Variants in PITPNM2 observed in about 807,000 individuals in gnomAD.
PITPNM2 encodes the protein membrane-associated phosphatidylinositol transfer protein 2.
Under a neutral mutation model 132.2 loss-of-function variants are expected in PITPNM2, and 35 were observed. The ratio of observed to expected loss-of-function variants is 0.26; its 90% CI spans 0.20 to 0.35. The LOEUF is 0.35. Ranked by LOEUF, PITPNM2 falls within the 10% of genes least tolerant of loss-of-function variation. The pLI, the probability that PITPNM2 is intolerant of heterozygous loss-of-function variation, is 1.00. For synonymous variants in PITPNM2, 738 were observed against 799.2 expected (o/e 0.92, Z 1.29); for missense variants, 1,332 against 1,912.0 (o/e 0.70, Z 5.66).
At chr12:123,028,441 A>G (rs948130612) in intron 3 of PITPNM2, among the ~76,000 whole-genome samples, 1 of 152,188 alleles carries the variant, frequency 6.6e-6, no homozygotes, top group Non-Finnish European at 1.5e-5. Flanking sequence ...TCTTTCCACA[A>G]AAACACAGCA....
At chr12:123,135,632 G>A (rs1593033805) in intron 1 of PITPNM2, among the ~76,000 whole-genome samples, 2 of 152,200 alleles carry the variant, frequency 1.3e-5, no homozygotes, top group South Asian at 4.1e-4. Flanking sequence ...TTCTGTGACT[G>A]TTCTATTTCA....
In PITPNM2 at chr12:123,013,832, T is replaced by C; in HGVS notation, c.289A>G (p.Thr97Ala). 6.2e-7 allele frequency: 1 copy of C among 1,613,772 alleles called. No individual in the cohort carries two copies. Among genetic ancestry groups the C allele is most frequent in the Non-Finnish European group, 8.5e-7 (1 of 1,179,816 alleles). ...TGGAGGCCAAAGCAGGCGCACCTGG[T>C]TCGGGTGTAGGGGTAGGCATTCCAA... ...ESWNAYPYTRTRFTCPFVEKF... is the reference protein window; with the variant it reads ...ESWNAYPYTRARFTCPFVEKF... The change falls in exon 4 of 26, where the codon ACC becomes GCC. Residue 97 changes from threonine to alanine, a missense_variant. Physicochemically the swap from Thr to Ala is moderately conservative, Grantham distance 58. Coordinates refer to ENST00000320201, the MANE Select transcript of PITPNM2 (RefSeq NM_020845.3).
chr12:123,087,357 A>G (rs963862126), intron 2 of PITPNM2: 4 of 151,882 alleles, frequency 2.6e-5, no homozygotes, highest in African/African-American at 4.8e-5. Flanking sequence ...GGCTCAAGCA[A>G]TTCTCCTGCC....
rs770680348 is a variant in PITPNM2 at position 122,987,794 on chromosome 12, A to C, written c.3105T>G (p.Thr1035=). ...CCCGCCGTGTCCTTACCTTCTCCCCAGTCAGGGTGACCATGTCCAGGGGCC... is the reference window on the plus strand; with the variant it reads ...CCCGCCGTGTCCTTACCTTCTCCCCCGTCAGGGTGACCATGTCCAGGGGCC... ...MYGPLDMVTL[T]GEKVDVHIMT... The change falls in exon 21 of 26, where the codon ACT becomes ACG. Residue 1035 remains threonine (T), a synonymous_variant. Coordinates refer to ENST00000320201, the MANE Select transcript of PITPNM2 (RefSeq NM_020845.3). The C allele has an allele frequency of 6.8e-6, 11 of 1,613,728 alleles. No homozygotes were observed. Among genetic ancestry groups the C allele is most frequent in the Non-Finnish European group, 9.3e-6 (11 of 1,179,960 alleles).
At position 123,134,948 on chromosome 12, in the gene PITPNM2, G is replaced by A. The variant is rs368643982; in HGVS notation, c.-200+15805C>T. On this transcript the variant is annotated intron_variant, in intron 1 of 25. Transcript: ENST00000320201. ...AAGTTCCCCAACAAGCACAGGTGCT[G>A]TAGCTGGTGGGCCTAGCAGGAGAAA... Among the ~76,000 whole-genome samples, 6 of 152,222 alleles carry A rather than the reference G, an allele frequency of 3.9e-5. No individual in the cohort carries two copies. In the East Asian group the frequency reaches 1.2e-3, roughly 29 times the overall value.
chr12:123,104,455 G>A (rs1325144293), intron 2 of PITPNM2, among the ~76,000 whole-genome samples: 1 of 152,194 alleles, frequency 6.6e-6, no homozygotes, highest in Non-Finnish European at 1.5e-5. Context: ...AGTATAAATG[G>A]CCGGTCCTTG....
intron 2 of PITPNM2, among the ~76,000 whole-genome samples, chr12:123,050,737 AAC>A (rs1320976732): frequency 2.6e-5 from 4 of 152,170 alleles, no homozygotes; most frequent in African/African-American, 9.7e-5. Context: ...GGCTGCCAGA[AAC>A]ACAACATGCC....
chr12:123,016,598 A>C (rs73230037), intron 3 of PITPNM2, among the ~76,000 whole-genome samples: 1 of 151,290 alleles, frequency 6.6e-6, no homozygotes, highest in Non-Finnish European at 1.5e-5. Flanking sequence ...AACAAACAAA[A>C]AAACAAAAAA....
At chr12:123,129,194 G>A (rs974979524) in intron 1 of PITPNM2, among the ~76,000 whole-genome samples, 3 of 151,744 alleles carry the variant, frequency 2.0e-5, no homozygotes, top group East Asian at 1.9e-4. Flanking sequence ...CCAACTACTC[G>A]GCAGGCTGAG....
intron 3 of PITPNM2, among the ~76,000 whole-genome samples, chr12:123,024,164 G>A (rs772704136): frequency 2.0e-5 from 3 of 152,156 alleles, no homozygotes; most frequent in Admixed American, 6.5e-5. Context: ...AATGGTCAAC[G>A]AGCAAATGAA....
chr12:123,080,973 G>A (rs914970061), intron 2 of PITPNM2, among the ~76,000 whole-genome samples: 1 of 152,256 alleles, frequency 6.6e-6, no homozygotes, highest in Non-Finnish European at 1.5e-5. Context: ...ATGAATGGGA[G>A]TGGGAAATAG....
At chr12:123,109,715 T>C (rs917547936) in intron 2 of PITPNM2, among the ~76,000 whole-genome samples, 5 of 152,010 alleles carry the variant, frequency 3.3e-5, no homozygotes, top group African/African-American at 1.2e-4. Flanking sequence ...GTACTAAGGG[T>C]AGAGCAGGCC....
At chr12:123,101,579 A>C (rs916696990) in intron 2 of PITPNM2, among the ~76,000 whole-genome samples, 1 of 152,348 alleles carries the variant, frequency 6.6e-6, no homozygotes, top group East Asian at 1.9e-4. Context: ...ATTTATTTTT[A>C]CGTCCAGCAC....
rs1202544666 is a variant in PITPNM2, at chr12:123,005,836, GC to G, written c.644-289del. 2.2e-6 allele frequency: 1 copy of G among 448,818 alleles called. No individual in the cohort carries two copies. Among genetic ancestry groups the G allele is most frequent in the Admixed American group, 3.8e-5 (1 of 26,088 alleles). 27.8% of individuals were successfully genotyped at this position (448,818 alleles called of 1,614,324 possible). A position where few individuals can be genotyped will look rare whatever the true frequency, so the allele number is the denominator to read the frequency against. On this transcript the variant is annotated intron_variant, in intron 6 of 25. Transcript: ENST00000320201. The surrounding 1 kb of genome is among the most constrained non-coding windows in gnomAD (Gnocchi z 6.2). ...CAGTTGGAAGGGCGCAGTGGCTCAT[GC>G]CTGTAATCCCAACACTTTGGGAGGA...
At chr12:123,118,396 G>A (rs2042969807) in intron 1 of PITPNM2, among the ~76,000 whole-genome samples, 1 of 152,146 alleles carries the variant, frequency 6.6e-6, no homozygotes, top group Admixed American at 6.5e-5. Flanking sequence ...CATGAGATGA[G>A]CAAAGAAAGA....
Position 122,994,920 on chromosome 12 carries a change from A to G in PITPNM2, c.2114T>C (p.Met705Thr). 1.9e-6 allele frequency: 3 copies of G among 1,612,048 alleles called. No individual in the cohort carries two copies. Among genetic ancestry groups the G allele is most frequent in the Non-Finnish European group, 2.5e-6 (3 of 1,179,842 alleles). Residue 705 changes from methionine (M) to threonine (T), a missense_variant, in exon 15 of 26, where the codon ATG becomes ACG. This residue lies in a region of PITPNM2 where 710 missense variants were observed against 911.5 expected (regional missense o/e 0.78). Coordinates refer to ENST00000320201, the MANE Select transcript of PITPNM2 (RefSeq NM_020845.3). The surrounding 1 kb of genome is among the most constrained non-coding windows in gnomAD (Gnocchi z 5.4). The part of the protein sequence containing the change: ...PCSRHSSSST[M>T]LDGTGALGRF... ...GCCCAGGGCACCTGTGCCATCCAGC[A>G]TGGTGGAGCTGCTGGAATGGCGTGA...
chr12:123,016,557 C>T (rs547912513), intron 3 of PITPNM2, among the ~76,000 whole-genome samples: 15 of 149,926 alleles, frequency 1.0e-4, no homozygotes, highest in Admixed American at 8.7e-4. Flanking sequence ...CCTCATGATC[C>T]GCTCGCCTCG....
At chr12:123,100,396 C>T (rs1003756250) in intron 2 of PITPNM2, among the ~76,000 whole-genome samples, 45 of 152,148 alleles carry the variant, frequency 3.0e-4, no homozygotes, top group Non-Finnish European at 4.4e-5. Flanking sequence ...GAGGCCAAGG[C>T]GGGTGGATCA....
intron 3 of PITPNM2, among the ~76,000 whole-genome samples, chr12:123,027,704 C>T (rs2039916028): frequency 6.6e-6 from 1 of 152,220 alleles, no homozygotes; most frequent in African/African-American, 2.4e-5. Context: ...CCAGACGGGA[C>T]CCCCTGTATA....
Sources: gnomAD v4.1 joint callset for allele counts (sites outside exome capture counted in the v4.1 genomes callset) on GRCh38, gnomAD v4.1.1 for gene constraint, gnomAD v4.1.1 regional missense constraint, Gnocchi (gnomAD v3.1) non-coding constraint, MANE v1.5 for transcripts, NCBI Gene and HGNC (gene_info 2026-07-23, HGNC 2026-07-21) for gene names.